Variants in NRXN1 observed in about 807,000 individuals in gnomAD.
NRXN1 encodes neurexin 1.
In NRXN1, 39 loss-of-function variants were observed where a neutral mutation model predicts 150.9. The observed-to-expected ratio is 0.26, with a 90% CI of 0.20 to 0.34. The LOEUF (loss-of-function observed/expected upper bound fraction) is 0.34. Ranked by LOEUF, NRXN1 falls within the 10% of genes least tolerant of loss-of-function variation. The pLI is 1.00. For synonymous variants in NRXN1, 924 were observed against 757.0 expected (o/e 1.22, Z -3.62); for missense variants, 1,815 against 1,949.9 (o/e 0.93, Z 1.30).
At position 50,539,288 on chromosome 2, in the gene NRXN1, T is replaced by C. The variant is rs113160724; in HGVS notation, c.1760-652A>G. 4.6e-3 allele frequency among the ~76,000 whole-genome samples: 705 copies of C among 152,306 alleles called. 2 individuals are homozygous for C. Among genetic ancestry groups the C allele is most frequent in the African/African-American group, 0.015 (643 of 41,584 alleles). On this transcript the variant is annotated intron_variant, in intron 9 of 22. Coordinates refer to ENST00000401669, the MANE Select transcript of NRXN1 (RefSeq NM_001330078.2). ...TGGTTTATAATAATCACTGTATAAA[T>C]GTTTGTGATTATATTTCAGTGAAAG...
chr2:50,801,821 T>C (rs1707638677), intron 5 of NRXN1, among the ~76,000 whole-genome samples: 1 of 152,222 alleles, frequency 6.6e-6, no homozygotes, highest in African/African-American at 2.4e-5. Flanking sequence ...ATTTCTGATA[T>C]AACTTTTGAA....
At chr2:50,566,065 G>A (rs1669797755) in intron 8 of NRXN1, among the ~76,000 whole-genome samples, 1 of 152,136 alleles carries the variant, frequency 6.6e-6, no homozygotes, top group Non-Finnish European at 1.5e-5. Context: ...CCGACACTAG[G>A]TTGGCCACCT....
Position 50,231,255 on chromosome 2 carries a change from G to C in NRXN1, c.3546+5534C>G, listed in dbSNP as rs557423738. 4.9e-4 allele frequency among the ~76,000 whole-genome samples: 74 copies of C among 152,068 alleles called. 1 individual carries two copies. Among genetic ancestry groups the C allele is most frequent in the African/African-American group, 1.7e-3 (72 of 41,502 alleles). ...AGGAAAACCCTGAGGGGAAATAACT[G>C]GGTTTATCTTGTTGATATAGGTGTG... On this transcript the variant is annotated intron_variant, in intron 18 of 22. Coordinates refer to ENST00000401669, the MANE Select transcript of NRXN1 (RefSeq NM_001330078.2).
chr2:50,356,752 C>T, intron 17 of NRXN1, among the ~76,000 whole-genome samples: 1 of 152,160 alleles, frequency 6.6e-6, no homozygotes, highest in East Asian at 1.9e-4. Flanking sequence ...ATGAAGCTTT[C>T]ATTAGACATA....
At chr2:50,119,865 G>A (rs139607054) in intron 18 of NRXN1, among the ~76,000 whole-genome samples, 98 of 152,124 alleles carry the variant, frequency 6.4e-4, no homozygotes, top group African/African-American at 2.2e-3. Context: ...CAGTATTCAA[G>A]AAGAAGGATA....
intron 2 of NRXN1, among the ~76,000 whole-genome samples, chr2:50,926,769 A>C (rs751760292): frequency 2.6e-5 from 4 of 151,924 alleles, no homozygotes; most frequent in Non-Finnish European, 5.9e-5. Context: ...ATTTCTATAT[A>C]TCTATAAAAT....
rs138633728 is a variant in NRXN1 at position 50,625,318 on chromosome 2, T to G, written c.833-1703A>C. Among the ~76,000 whole-genome samples the G allele has an allele frequency of 3.4e-3, 512 of 152,190 alleles. 3 individuals carry two copies. Among genetic ancestry groups the G allele is most frequent in the Non-Finnish European group, 5.8e-3 (395 of 67,998 alleles). ...AGCAATAAATATCACGGTGAGCACC[T>G]ACAGGTATTCACCAGGAATTGAGCC... is the stretch of plus-strand genomic sequence containing the variant. On this transcript the variant is annotated intron_variant, in intron 5 of 22. Coordinates refer to ENST00000401669, the MANE Select transcript of NRXN1 (RefSeq NM_001330078.2).
chr2:50,082,386 T>C (rs756376533), intron 19 of NRXN1, among the ~76,000 whole-genome samples: 33 of 152,344 alleles, frequency 2.2e-4, no homozygotes, highest in Middle Eastern at 3.4e-3. Context: ...ACAAATTGTA[T>C]GTTGGAAACA....
intron 11 of NRXN1, among the ~76,000 whole-genome samples, chr2:50,530,328 T>C (rs1456836875): frequency 6.6e-6 from 1 of 152,230 alleles, no homozygotes; most frequent in East Asian, 1.9e-4. Context: ...GTTGATGGCA[T>C]AGTTTGCATG....
At chr2:50,380,099 A>T (rs895666545) in intron 17 of NRXN1, among the ~76,000 whole-genome samples, 10 of 152,288 alleles carry the variant, frequency 6.6e-5, no homozygotes, top group African/African-American at 2.2e-4. Context: ...AATATTTCCA[A>T]GAATATATAT....
At chr2:49,986,283 T>G (rs1175737394) in intron 21 of NRXN1, among the ~76,000 whole-genome samples, 1 of 152,196 alleles carries the variant, frequency 6.6e-6, no homozygotes, top group Admixed American at 6.5e-5. Context: ...TACATATTGT[T>G]TATGTAGATT....
At chr2:50,520,308 A>G (rs763831988) in intron 12 of NRXN1, among the ~76,000 whole-genome samples, 112 of 151,984 alleles carry the variant, frequency 7.4e-4, no homozygotes, top group Non-Finnish European at 8.4e-4. Flanking sequence ...AATTAATTTA[A>G]AATGTACATG....
chr2:50,307,258 A>AG (rs1196708505), intron 17 of NRXN1, among the ~76,000 whole-genome samples: 1 of 152,218 alleles, frequency 6.6e-6, no homozygotes, highest in African/African-American at 2.4e-5. Flanking sequence ...CTGGGATCAC[A>AG]GGTGTGAGCC....
chr2:50,598,193 G>A (rs1174942463), intron 8 of NRXN1, among the ~76,000 whole-genome samples: 6 of 150,714 alleles, frequency 4.0e-5, no homozygotes, highest in African/African-American at 1.5e-4. Context: ...TGAATTTACA[G>A]AACAAATAAA....
At chr2:50,662,609 AT>A (rs1005127697) in intron 5 of NRXN1, among the ~76,000 whole-genome samples, 3 of 151,444 alleles carry the variant, frequency 2.0e-5, no homozygotes, top group Non-Finnish European at 4.4e-5. Context: ...TGTTTTTGCG[AT>A]TTTTTTTGTT....
intron 17 of NRXN1, among the ~76,000 whole-genome samples, chr2:50,299,219 A>G (rs2073923853): frequency 6.6e-6 from 1 of 152,268 alleles, no homozygotes; most frequent in Admixed American, 6.5e-5. Context: ...GGAAAGCTAT[A>G]TATGGCAGGA....
intron 18 of NRXN1, among the ~76,000 whole-genome samples, chr2:50,171,023 G>T (rs540836306): frequency 6.6e-6 from 1 of 152,104 alleles, no homozygotes; most frequent in South Asian, 2.1e-4. Flanking sequence ...AAAAGAAAAT[G>T]TTATTTAGAA....
chr2:49,984,587 C>T, intron 21 of NRXN1, among the ~76,000 whole-genome samples: 1 of 152,004 alleles, frequency 6.6e-6, no homozygotes, highest in East Asian at 1.9e-4. Context: ...CTAGAGCTTG[C>T]ACTCAGGAAA....
At chr2:50,340,330 C>A (rs1021543916) in intron 17 of NRXN1, among the ~76,000 whole-genome samples, 1 of 152,302 alleles carries the variant, frequency 6.6e-6, no homozygotes, top group Middle Eastern at 3.4e-3. Flanking sequence ...TTACAAGCTT[C>A]TATGTGGAGA....
Sources: allele counts gnomAD v4.1 joint callset (sites outside exome capture counted in the v4.1 genomes callset), GRCh38; gene constraint gnomAD v4.1.1; transcripts MANE v1.5; gene names NCBI Gene and HGNC (gene_info 2026-07-23, HGNC 2026-07-21).